The following SMC2 variants were observed in gnomAD, a reference collection of about 807,000 sequenced individuals.
The protein encoded by SMC2 is structural maintenance of chromosomes protein 2.
In SMC2, 41 loss-of-function variants were observed where a neutral mutation model predicts 142.6. The observed-to-expected ratio is 0.29, with a 90% CI of 0.22 to 0.37. SMC2 has a LOEUF of 0.37. SMC2 is among the 10% of genes least tolerant of loss of function. The pLI, the probability that SMC2 is intolerant of heterozygous loss-of-function variation, is 1.00. For synonymous variants in SMC2, 463 were observed against 457.5 expected, an observed-to-expected ratio of 1.01 and a Z score of -0.15; for missense variants, 1,265 against 1,373.7, an observed-to-expected ratio of 0.92 and a Z score of 1.25.
Position 104,102,588 on chromosome 9 carries a change from TGTGCCACTA to T in SMC2, c.1020+24_1020+32del, listed in dbSNP as rs1355505816. 6.2e-7 allele frequency: 1 copy of T among 1,609,824 alleles called. No homozygotes were observed. The highest frequency in any genetic ancestry group is 1.7e-5 in the Admixed American group (1 of 59,372). On this transcript the variant is annotated intron_variant, in intron 9 of 24. Transcript: ENST00000374793. ...ATATGGTTGAGGTAAGTGAGCTTAA[TGTGCCACTA>T]GTGCCACTTGTAGACAAGTATATAG...
chr9:104,097,273 G>T (rs543735440), intron 3 of SMC2, among the ~76,000 whole-genome samples: 4,314 of 148,794 alleles, frequency 0.029, 137 homozygotes, highest in African/African-American at 0.086. Flanking sequence ...ATTTTTTTTT[G>T]TTTTTTGTAT....
At position 104,139,396 on chromosome 9, in the gene SMC2, T is replaced by C. The variant is rs1488722762; in HGVS notation, c.*81T>C. ...ACTTGAGATAACTAATTTGTTTATATACAAAAATTAATGTTACTGTGTTAC... is the reference window on the plus strand; with the variant it reads ...ACTTGAGATAACTAATTTGTTTATACACAAAAATTAATGTTACTGTGTTAC... On this transcript the variant is annotated 3_prime_UTR_variant, in exon 25 of 25. Transcript: ENST00000374793. 13 of 1,151,380 alleles carry C rather than the reference T, an allele frequency of 1.1e-5. No individual in the cohort carries two copies. The highest frequency in any genetic ancestry group is 1.5e-5 in the Non-Finnish European group (12 of 819,412). 71.3% of individuals were successfully genotyped at this position (1,151,380 alleles called of 1,614,324 possible).
chr9:104,093,332 CTAA>C (rs1482610322), upstream of SMC2, among the ~76,000 whole-genome samples: 1 of 152,072 alleles, frequency 6.6e-6, no homozygotes, highest in Non-Finnish European at 1.5e-5. Context: ...ATAGGATCGG[CTAA>C]TAATACTAGA....
At position 104,120,140 on chromosome 9, in the gene SMC2, G is replaced by C. The variant is rs902192890; in HGVS notation, c.2110G>C (p.Gly704Arg). ...GCGGGCTCTAGAAGAGGAATTAGCA[G>C]GTCTTAAAAACACTGCTGAAAAGTA... is the stretch of plus-strand genomic sequence containing the variant. ...ELRALEEELA[G>R]LKNTAEKYRQ... The change falls in exon 16 of 25, where the codon GGT (glycine) becomes CGT (arginine). Residue 704 changes from glycine (G) to arginine (R), a missense_variant. Gly to Arg is a moderately radical substitution (Grantham distance 125, BLOSUM62 -2). Around this residue, in one of 4 missense-constraint regions of SMC2, gnomAD observed 898 missense variants for 904.2 expected, o/e 0.99. Coordinates refer to ENST00000374793, the MANE Select transcript of SMC2 (RefSeq NM_006444.3). 1.2e-6 allele frequency: 2 copies of C among 1,611,070 alleles called. No individual in the cohort carries two copies. The highest frequency in any genetic ancestry group is 1.3e-5 in the African/African-American group (1 of 74,764).
rs1464004099 is a variant in SMC2 at position 104,123,249 on chromosome 9, C to G, written c.2257+17C>G. 2 of 1,607,660 alleles carry G rather than the reference C, an allele frequency of 1.2e-6. No individual in the cohort carries two copies. The highest frequency in any genetic ancestry group is 1.7e-6 in the Non-Finnish European group (2 of 1,176,942). ...AAACCATTGGTAAGATGAAAACAGT[C>G]CATGCTTAATCTCTGGTTTTATTCA... On this transcript the variant is annotated intron_variant, in intron 17 of 24. Coordinates refer to ENST00000374793, the MANE Select transcript of SMC2 (RefSeq NM_006444.3).
At chr9:104,116,105 C>G in intron 13 of SMC2, 95 bp from the exon 14 acceptor site, 1 of 1,086,948 alleles carries the variant, frequency 9.2e-7, no homozygotes, top group Non-Finnish European at 1.3e-6. Context: ...ATAAATGGCA[C>G]TAAACATTCA....
intron 9 of SMC2, among the ~76,000 whole-genome samples, chr9:104,107,387 C>G (rs1831928641): frequency 6.6e-6 from 1 of 152,164 alleles, no homozygotes; most frequent in Non-Finnish European, 1.5e-5. Context: ...GTTTCTGTTG[C>G]CATAGACTGC....
intron 22 of SMC2, 74 bp from the exon 23 acceptor site, chr9:104,134,341 A>G (rs772743021): frequency 8.8e-7 from 1 of 1,130,644 alleles, no homozygotes; most frequent in South Asian, 1.6e-5. Flanking sequence ...GCTGTGTTGC[A>G]TATACATATA....
Position 104,095,333 on chromosome 9 carries a change from G to A in SMC2, c.-52G>A. ...TTTCTGTTTCGTACAGAACTGGTTT[G>A]TGGCCTGTTTGATTCCTGTCAGAGG... On this transcript the variant is annotated 5_prime_UTR_variant, in exon 2 of 25. In the 5' UTR this introduces an upstream ATG that the reference lacks. Coordinates refer to ENST00000374793, the MANE Select transcript of SMC2 (RefSeq NM_006444.3). 1 of 1,478,822 alleles carries A rather than the reference G, an allele frequency of 6.8e-7. No homozygotes were observed. Among genetic ancestry groups the A allele is most frequent in the Non-Finnish European group, 9.4e-7 (1 of 1,067,300 alleles). 91.6% of individuals were successfully genotyped at this position (1,478,822 alleles called of 1,614,324 possible).
chr9:104,116,070 C>A, intron 13 of SMC2, 130 bp from the exon 14 acceptor site: 1 of 713,816 alleles, frequency 1.4e-6, no homozygotes, highest in Non-Finnish European at 2.2e-6. Flanking sequence ...TGTTCCATTG[C>A]ATATGTAATT....
At chr9:104,098,244 A>T (rs953729397) in intron 3 of SMC2, among the ~76,000 whole-genome samples, 1 of 152,234 alleles carries the variant, frequency 6.6e-6, no homozygotes, top group African/African-American at 2.4e-5. Flanking sequence ...ACTAGTTACC[A>T]AAAGTACTTG....
At chr9:104,126,084 C>T (rs1442545001) in intron 18 of SMC2, among the ~76,000 whole-genome samples, 5 of 152,060 alleles carry the variant, frequency 3.3e-5, no homozygotes, top group Non-Finnish European at 7.4e-5. Flanking sequence ...CTGAACTGTG[C>T]ATGCAAGGGA....
chr9:104,120,373 A>G (rs1393842530), intron 16 of SMC2, among the ~76,000 whole-genome samples: 1 of 152,204 alleles, frequency 6.6e-6, no homozygotes, highest in Non-Finnish European at 1.5e-5. Flanking sequence ...AGCAAAATCT[A>G]TTTAAGCAAA....
chr9:104,113,210 T>G (rs1392603463), intron 10 of SMC2, 106 bp from the exon 11 acceptor site: 5 of 731,942 alleles, frequency 6.8e-6, no homozygotes, highest in Non-Finnish European at 1.0e-5. Flanking sequence ...AATTAAACTT[T>G]GAAGGTTAAG....
chr9:104,137,211 G>GAAGT (rs1263568427), intron 23 of SMC2, among the ~76,000 whole-genome samples: 1 of 152,132 alleles, frequency 6.6e-6, no homozygotes, highest in African/African-American at 2.4e-5. Flanking sequence ...GGATGTACTT[G>GAAGT]AAGTTACAGA....
At chr9:104,095,922 G>C (rs942825040) in intron 2 of SMC2, among the ~76,000 whole-genome samples, 2 of 152,150 alleles carry the variant, frequency 1.3e-5, no homozygotes, top group Admixed American at 6.5e-5. Flanking sequence ...AAAATGAATA[G>C]GAAACAATTC....
At position 104,126,736 on chromosome 9, in the gene SMC2, C is replaced by G. The variant is rs775079784; in HGVS notation, c.2547C>G (p.Ser849=). 3.1e-6 allele frequency: 5 copies of G among 1,612,820 alleles called. No individual in the cohort carries two copies. In the Admixed American group the frequency reaches 8.4e-5, roughly 27 times the overall value. ...QLEAVNEAIK[S]YESQIEVMAA... ...AAGCTGTAAATGAAGCTATCAAATC[C>G]TATGAAAGTCAGATTGAAGTAATGG... is the stretch of plus-strand genomic sequence containing the variant. The change falls in exon 19 of 25, where the codon TCC becomes TCG. Residue 849 remains serine (S), a synonymous_variant. Coordinates refer to ENST00000374793, the MANE Select transcript of SMC2 (RefSeq NM_006444.3).
intron 21 of SMC2, among the ~76,000 whole-genome samples, chr9:104,130,163 C>T (rs1834783184): frequency 6.6e-6 from 1 of 152,150 alleles, no homozygotes; most frequent in Non-Finnish European, 1.5e-5. Flanking sequence ...CTTCTGTCAT[C>T]CTCTTGACTC....
chr9:104,128,630 C>T (rs546311753), intron 20 of SMC2, among the ~76,000 whole-genome samples: 3 of 152,280 alleles, frequency 2.0e-5, no homozygotes, highest in East Asian at 1.9e-4. Context: ...TTGGGGCCTA[C>T]AGGTGAGACC....
Sources: gnomAD v4.1 joint callset for allele counts (sites outside exome capture counted in the v4.1 genomes callset) on GRCh38, gnomAD v4.1.1 for gene constraint, gnomAD v4.1.1 regional missense constraint, MANE v1.5 for transcripts, NCBI Gene and HGNC (gene_info 2026-07-23, HGNC 2026-07-21) for gene names.